Variants in ACBD7 observed in about 807,000 individuals in gnomAD.
ACBD7 encodes the protein acyl-CoA binding domain containing 7.
A neutral mutation model predicts 13.7 loss-of-function variants in ACBD7; 11 were observed. That is an observed-to-expected ratio of 0.80 (90% CI 0.50 to 1.33). The LOEUF is 1.33. Among genes scored for constraint, ACBD7 ranks in the 40% most tolerant of loss-of-function variants. ACBD7 has a pLI of 0.00. For synonymous variants in ACBD7, 43 were observed against 37.7 expected (o/e 1.14, Z -0.51); for missense variants, 111 against 103.0 (o/e 1.08, Z -0.33).
At chr10:15,083,036 C>CA (rs984500885) in intron 1 of ACBD7, among the ~76,000 whole-genome samples, 34 of 151,236 alleles carry the variant, frequency 2.2e-4, no homozygotes, top group African/African-American at 8.0e-4. Context: ...GACTCCGTCT[C>CA]AAAAAAAAGA....
chr10:15,076,661 G>A lies in ACBD7; in HGVS notation c.*1869C>T. 1 of 651,004 alleles carries A rather than the reference G, an allele frequency of 1.5e-6. No homozygotes were observed. Among genetic ancestry groups the A allele is most frequent in the African/African-American group, 2.0e-5 (1 of 50,570 alleles). The allele number at this position is 651,004 out of a possible 1,614,324, so 40.3% of individuals were successfully genotyped here. ...GGAATTACAGGTGTGCACCACCAAT[G>A]GCTGGCTAATTTTTGTATTTTTAGT... On this transcript the variant is annotated 3_prime_UTR_variant, in exon 4 of 4. Coordinates refer to ENST00000356189, the MANE Select transcript of ACBD7 (RefSeq NM_001039844.3).
intron 2 of ACBD7, 39 bp downstream of exon 2, chr10:15,078,884 G>A (rs751891917): frequency 1.6e-6 from 2 of 1,212,944 alleles, no homozygotes; most frequent in South Asian, 4.8e-5. Flanking sequence ...TATATTAATT[G>A]TAACATATGA....
intron 1 of ACBD7, among the ~76,000 whole-genome samples, chr10:15,083,206 C>T (rs1026560688): frequency 1.3e-5 from 2 of 152,212 alleles, no homozygotes; most frequent in African/African-American, 2.4e-5. Flanking sequence ...ATCATTCTCT[C>T]TGTCTAGCCT....
At chr10:15,085,030 C>T (rs180831211) in intron 1 of ACBD7, among the ~76,000 whole-genome samples, 33 of 152,338 alleles carry the variant, frequency 2.2e-4, no homozygotes, top group Admixed American at 1.1e-3. Context: ...AAAGGCATCA[C>T]AGTTTTGCAG....
At position 15,077,459 on chromosome 10, in the gene ACBD7, A is replaced by G. The variant is rs976329028; in HGVS notation, c.*1071T>C. The G allele has an allele frequency of 6.6e-6, 1 of 152,168 alleles. No homozygotes were observed. Among genetic ancestry groups the G allele is most frequent in the Non-Finnish European group, 1.5e-5 (1 of 68,038 alleles). The allele number at this position is 152,168 out of a possible 1,614,324, so 9.4% of individuals were successfully genotyped here. On this transcript the variant is annotated 3_prime_UTR_variant, in exon 4 of 4. Transcript: ENST00000356189. ...GGTCATGGAGTGTGGAATAATAGACACTGGAGGCTTGGAAAGGTGGGAGGG... is the reference window on the plus strand; with the variant it reads ...GGTCATGGAGTGTGGAATAATAGACGCTGGAGGCTTGGAAAGGTGGGAGGG...
At chr10:15,083,191 C>T (rs1844769915) in intron 1 of ACBD7, among the ~76,000 whole-genome samples, 1 of 152,212 alleles carries the variant, frequency 6.6e-6, no homozygotes, top group African/African-American at 2.4e-5. Context: ...AGAGCAGGGG[C>T]CAGCATCATT....
intron 2 of ACBD7, 24 bp downstream of exon 2, chr10:15,078,899 A>G: frequency 8.1e-7 from 1 of 1,240,146 alleles, no homozygotes; most frequent in South Asian, 2.4e-5. Flanking sequence ...ATATGAATAT[A>G]TTAATATTAA....
At chr10:15,088,646 A>C (rs1338824587) in intron 1 of ACBD7, 71 bp downstream of exon 1, 1 of 1,564,292 alleles carries the variant, frequency 6.4e-7, no homozygotes, top group Admixed American at 1.8e-5. Flanking sequence ...CGCCAAGCCC[A>C]CCCGGAGCCC....
chr10:15,079,738 C>T (rs907048505), intron 1 of ACBD7, among the ~76,000 whole-genome samples: 1 of 151,782 alleles, frequency 6.6e-6, no homozygotes, highest in Admixed American at 6.6e-5. Context: ...GCCACCGCGC[C>T]TGGCTAAGTT....
In ACBD7 at chr10:15,076,109, T is replaced by C. The variant is rs1844678559; in HGVS notation, c.*2421A>G. On this transcript the variant is annotated 3_prime_UTR_variant, in exon 4 of 4. Coordinates refer to ENST00000356189, the MANE Select transcript of ACBD7 (RefSeq NM_001039844.3). ...TTCATCTAGCAGACCTAGATAGTTT[T>C]GTTGTTGTAGTAACATGAAGTGGAT... is the stretch of plus-strand genomic sequence containing the variant. 1.0e-6 allele frequency: 1 copy of C among 985,266 alleles called. No individual in the cohort carries two copies. The highest frequency in any genetic ancestry group is 1.2e-6 in the Non-Finnish European group (1 of 829,764). The allele number at this position is 985,266 out of a possible 1,614,324, so 61.0% of individuals were successfully genotyped here.
intron 1 of ACBD7, among the ~76,000 whole-genome samples, chr10:15,086,578 C>T (rs7071859): frequency 0.5 from 75,678 of 151,998 alleles, 20,558 homozygotes; most frequent in African/African-American, 0.73. Context: ...ACATAAGTCA[C>T]GCACAAGAAT....
At chr10:15,088,690 C>T (rs749765689) in intron 1 of ACBD7, 27 bp downstream of exon 1, 142 of 1,595,764 alleles carry the variant, frequency 8.9e-5, no homozygotes, top group Non-Finnish European at 1.2e-4. Context: ...GCGCCCCTCC[C>T]GCGTGGCCTC....
chr10:15,080,451 G>A (rs11259466), intron 1 of ACBD7, among the ~76,000 whole-genome samples: 19,610 of 151,938 alleles, frequency 0.13, 1,725 homozygotes, highest in African/African-American at 0.25. Context: ...TTGGTGGTGC[G>A]TGCCTGTAAT....
chr10:15,080,373 A>G (rs12762546), intron 1 of ACBD7, among the ~76,000 whole-genome samples: 11,649 of 151,928 alleles, frequency 0.077, 452 homozygotes, highest in Middle Eastern at 0.13. Context: ...TGAGGTCAGG[A>G]GTTCGAGACC....
intron 1 of ACBD7, among the ~76,000 whole-genome samples, chr10:15,087,453 C>G (rs141511566): frequency 1.3e-5 from 2 of 152,102 alleles, no homozygotes; most frequent in Non-Finnish European, 2.9e-5. Context: ...AAGTGAGCCA[C>G]GTTCTATGAA....
intron 2 of ACBD7, 80 bp downstream of exon 2, chr10:15,078,843 T>A: frequency 7.6e-7 from 1 of 1,323,556 alleles, no homozygotes; most frequent in Middle Eastern, 2.6e-4. Flanking sequence ...TTACTATATT[T>A]TAAGTAATTA....
Position 15,078,466 on chromosome 10 carries a change from T to G in ACBD7, c.*64A>C. On this transcript the variant is annotated 3_prime_UTR_variant, in exon 4 of 4. Transcript: ENST00000356189. ...CAAGTTAACAGTATGCCTCTCCCTC[T>G]AAATGTTAGGTCATGATAGCATTTG... 2.5e-6 allele frequency: 4 copies of G among 1,610,404 alleles called. No individual in the cohort carries two copies. The highest frequency in any genetic ancestry group is 2.5e-6 in the Non-Finnish European group (3 of 1,178,724).
At position 15,076,479 on chromosome 10, in the gene ACBD7, T is replaced by A; in HGVS notation, c.*2051A>T. ...CCTATGGGGGCTTTTTAAATTTCTTTAAACTGCTATGGACAGACTTGTAAT... is the reference window on the plus strand; with the variant it reads ...CCTATGGGGGCTTTTTAAATTTCTTAAAACTGCTATGGACAGACTTGTAAT... On this transcript the variant is annotated 3_prime_UTR_variant, in exon 4 of 4. Transcript: ENST00000356189. 1 of 953,334 alleles carries A rather than the reference T, an allele frequency of 1.0e-6. No homozygotes were observed. The highest frequency in any genetic ancestry group is 1.2e-6 in the Non-Finnish European group (1 of 801,476). The allele number at this position is 953,334 out of a possible 1,614,324, so 59.1% of individuals were successfully genotyped here.
In ACBD7 at chr10:15,088,527, G is replaced by A. The variant is rs1380719359; in HGVS notation, c.12+190C>T. On this transcript the variant is annotated intron_variant, in intron 1 of 3. Coordinates refer to ENST00000356189, the MANE Select transcript of ACBD7 (RefSeq NM_001039844.3). Reference sequence around the variant, plus strand: ...CCTGGGGTCCGGAAGGGTTGCCCTGGGAGCCCTGGCTCGCCGTCAGCAGGC... The same window carrying A: ...CCTGGGGTCCGGAAGGGTTGCCCTGAGAGCCCTGGCTCGCCGTCAGCAGGC... 10 of 785,336 alleles carry A rather than the reference G, an allele frequency of 1.3e-5. No individual in the cohort carries two copies. In the Admixed American group the frequency reaches 3.6e-4, roughly 28 times the overall value. 48.6% of individuals were successfully genotyped at this position (785,336 alleles called of 1,614,324 possible).
Sources: gnomAD v4.1 joint callset for allele counts (sites outside exome capture counted in the v4.1 genomes callset) on GRCh38, gnomAD v4.1.1 for gene constraint, MANE v1.5 for transcripts, NCBI Gene and HGNC (gene_info 2026-07-23, HGNC 2026-07-21) for gene names.